Variants in NAALADL2 observed in about 807,000 individuals in gnomAD.
NAALADL2 encodes the protein inactive N-acetylated-alpha-linked acidic dipeptidase-like protein 2.
In NAALADL2, 76 loss-of-function variants were observed where a neutral mutation model predicts 87.2. That is an observed-to-expected ratio of 0.87 (90% CI 0.72 to 1.05). The LOEUF (loss-of-function observed/expected upper bound fraction) is 1.05. Among genes scored for constraint, NAALADL2 ranks in the 50% least tolerant of loss-of-function variants. NAALADL2 has a pLI of 0.00. For synonymous variants in NAALADL2, 354 were observed against 331.0 expected (o/e 1.07, Z -0.75); for missense variants, 1,089 against 945.8 (o/e 1.15, Z -1.99).
At chr3:175,285,189 A>T (rs2110105373) in intron 4 of NAALADL2, among the ~76,000 whole-genome samples, 1 of 152,304 alleles carries the variant, frequency 6.6e-6, no homozygotes, top group African/African-American at 2.4e-5. Flanking sequence ...GTAATATTTT[A>T]AAATCCTATA....
chr3:175,399,541 G>A (rs1318143743), intron 5 of NAALADL2, among the ~76,000 whole-genome samples: 1 of 152,140 alleles, frequency 6.6e-6, no homozygotes, highest in Non-Finnish European at 1.5e-5. Flanking sequence ...AGACCATAAA[G>A]TGTAACTTCC....
chr3:175,301,456 G>A (rs115741002), intron 4 of NAALADL2, among the ~76,000 whole-genome samples: 16 of 152,040 alleles, frequency 1.1e-4, no homozygotes, highest in East Asian at 5.8e-4. Flanking sequence ...CTGCAAAAAC[G>A]CATGTAGCTG....
At chr3:175,460,132 C>A in intron 6 of NAALADL2, 1 of 456,208 alleles carries the variant, frequency 2.2e-6, no homozygotes, top group African/African-American at 2.0e-5. Context: ...AGTAATATTG[C>A]CTTACCAACG....
chr3:175,263,839 A>G (rs1438152667), intron 4 of NAALADL2, among the ~76,000 whole-genome samples: 1 of 151,514 alleles, frequency 6.6e-6, no homozygotes, highest in Admixed American at 6.6e-5. Context: ...AGAAATATTT[A>G]TATATATATT....
chr3:175,028,672 GATA>G (rs1752474173), intron 1 of NAALADL2, among the ~76,000 whole-genome samples: 1 of 151,656 alleles, frequency 6.6e-6, no homozygotes, highest in African/African-American at 2.4e-5. Flanking sequence ...AATCAATGTT[GATA>G]ATATTTTCTA....
intron 5 of NAALADL2, among the ~76,000 whole-genome samples, chr3:175,422,482 T>A (rs567617594): frequency 6.6e-6 from 1 of 152,102 alleles, no homozygotes; most frequent in East Asian, 1.9e-4. Context: ...TTTTCAAGTA[T>A]CAAAATAACC....
intron 1 of NAALADL2, among the ~76,000 whole-genome samples, chr3:174,460,026 T>C (rs1354164980): frequency 6.6e-6 from 1 of 152,132 alleles, no homozygotes. Flanking sequence ...AACAGTCTTC[T>C]CTTCTTCAAT....
chr3:174,604,904 G>T (rs1389808310), intron 2 of NAALADL2, among the ~76,000 whole-genome samples: 1 of 151,732 alleles, frequency 6.6e-6, no homozygotes, highest in African/African-American at 2.4e-5. Context: ...TAGTAGCTGG[G>T]ATTACAGGCA....
chr3:174,588,779 C>T (rs572162694), intron 2 of NAALADL2, among the ~76,000 whole-genome samples: 40 of 152,286 alleles, frequency 2.6e-4, no homozygotes, highest in African/African-American at 9.4e-4. Flanking sequence ...AAGTGTCAAT[C>T]GGCCCCTACT....
At chr3:174,827,182 T>C (rs773162157) in intron 3 of NAALADL2, among the ~76,000 whole-genome samples, 3 of 152,220 alleles carry the variant, frequency 2.0e-5, no homozygotes, top group African/African-American at 4.8e-5. Flanking sequence ...CTTTAAGTCA[T>C]AAACATCATT....
intron 1 of NAALADL2, among the ~76,000 whole-genome samples, chr3:174,909,304 G>A (rs546364329): frequency 6.6e-6 from 1 of 152,194 alleles, no homozygotes; most frequent in East Asian, 1.9e-4. Flanking sequence ...TGAGACAGGA[G>A]AATTGCTTGA....
intron 10 of NAALADL2, among the ~76,000 whole-genome samples, chr3:175,580,562 T>A (rs1433654277): frequency 6.6e-6 from 1 of 151,872 alleles, no homozygotes; most frequent in African/African-American, 2.4e-5. Context: ...TACATTTAAC[T>A]GTGTATACGT....
chr3:175,448,146 A>G (rs1231245617), intron 6 of NAALADL2, among the ~76,000 whole-genome samples: 1 of 152,252 alleles, frequency 6.6e-6, no homozygotes, highest in African/African-American at 2.4e-5. Context: ...AATATGTACA[A>G]AAAAATCTGA....
intron 2 of NAALADL2, among the ~76,000 whole-genome samples, chr3:175,194,107 G>A (rs1257113074): frequency 6.6e-6 from 1 of 151,730 alleles, no homozygotes; most frequent in Non-Finnish European, 1.5e-5. Context: ...AAAATATTGT[G>A]CTTAAAATTT....
rs1350084710 is a variant in NAALADL2, at chr3:174,578,965, T to C, written c.-115+28328T>C. Among the ~76,000 whole-genome samples the C allele has an allele frequency of 2.0e-5, 3 of 152,032 alleles. No homozygotes were observed. The East Asian group carries it at 5.8e-4, about 29-fold the overall frequency. On this transcript the variant is annotated intron_variant, in intron 2 of 3. Transcript: ENST00000434257. Reference sequence around the variant, plus strand: ...TATAGCTAAAAATATCAGCAAAAGATTTGATTGTACATTTCACAAAGAAAA... The same window carrying C: ...TATAGCTAAAAATATCAGCAAAAGACTTGATTGTACATTTCACAAAGAAAA...
intron 11 of NAALADL2, among the ~76,000 whole-genome samples, chr3:175,708,771 C>A (rs1390201063): frequency 1.3e-5 from 2 of 151,464 alleles, no homozygotes; most frequent in African/African-American, 4.9e-5. Context: ...TTATGGCTCT[C>A]TAAAACAGCT....
In NAALADL2 at chr3:174,618,581, T is replaced by A. The variant is rs146829265; in HGVS notation, c.-115+67944T>A. The stretch of plus-strand genomic sequence containing the variant: ...AACCTTGGATTAATCTACTGAAAGT[T>A]ACTAAGAATCATGTGACCATTTCTG... On this transcript the variant is annotated intron_variant, in intron 2 of 3. Coordinates refer to the NAALADL2 transcript ENST00000434257. Among the ~76,000 whole-genome samples the A allele has an allele frequency of 2.5e-3, 375 of 151,954 alleles. 2 individuals carry two copies. Among genetic ancestry groups the A allele is most frequent in the African/African-American group, 8.6e-3 (358 of 41,542 alleles).
chr3:174,714,270 A>T (rs1191106013), intron 2 of NAALADL2, among the ~76,000 whole-genome samples: 3 of 152,090 alleles, frequency 2.0e-5, no homozygotes, highest in East Asian at 1.9e-4. Flanking sequence ...CTTAGGATTG[A>T]CTTGGCAATG....
At chr3:174,838,753 AAAAAT>A (rs1385769469) in intron 3 of NAALADL2, among the ~76,000 whole-genome samples, 1 of 152,132 alleles carries the variant, frequency 6.6e-6, no homozygotes, top group Non-Finnish European at 1.5e-5. Context: ...AATAGCTGCA[AAAAAT>A]AAAATAAAAT....
Sources: gnomAD v4.1 joint callset for allele counts (sites outside exome capture counted in the v4.1 genomes callset) on GRCh38, gnomAD v4.1.1 for gene constraint, MANE v1.5 for transcripts, NCBI Gene and HGNC (gene_info 2026-07-23, HGNC 2026-07-21) for gene names.